PCDH9: variants seen among roughly 807,000 people sequenced by gnomAD.
PCDH9 encodes protocadherin-9.
A neutral mutation model predicts 70.6 loss-of-function variants in PCDH9; 24 were observed. The observed-to-expected ratio is 0.34, with a 90% CI of 0.25 to 0.48. PCDH9 has a LOEUF of 0.48. Ranked by LOEUF, PCDH9 falls within the 20% of genes least tolerant of loss-of-function variation. The probability of loss-of-function intolerance (pLI) is 0.99; values close to 1 mark genes in which losing one functional copy is unlikely to be tolerated. For missense variants in PCDH9, 1,281 were observed against 1,503.6 expected (o/e 0.85, Z 2.45); for synonymous variants, 562 against 558.5 (o/e 1.01, Z -0.09).
chr13:66,974,907 C>T (rs369137353), intron 2 of PCDH9, among the ~76,000 whole-genome samples: 12 of 152,034 alleles, frequency 7.9e-5, no homozygotes, highest in African/African-American at 2.7e-4. Flanking sequence ...TATGACATAA[C>T]CTGGTTTAAA....
intron 3 of PCDH9, among the ~76,000 whole-genome samples, chr13:66,746,792 A>T (rs1393589059): frequency 3.3e-5 from 5 of 152,124 alleles, no homozygotes; most frequent in East Asian, 1.9e-4. Flanking sequence ...ACAAGATTAA[A>T]TTTTTTTTCA....
At position 67,149,950 on chromosome 13, in the gene PCDH9, CA is replaced by C. The variant is rs555290926; in HGVS notation, c.3036+75454del. Among the ~76,000 whole-genome samples the C allele has an allele frequency of 1.5e-3, 226 of 152,054 alleles. 2 individuals are homozygous for C. The highest frequency in any genetic ancestry group is 2.9e-3 in the Non-Finnish European group (194 of 67,970). ...TGGTATTGATACTCACTTTTGAAGC[CA>C]AAATTTCAAAAATAAAAGTCTTTTC... On this transcript the variant is annotated intron_variant, in intron 2 of 4. Transcript: ENST00000377865.
chr13:66,715,692 A>G (rs1291985413), intron 3 of PCDH9, among the ~76,000 whole-genome samples: 1 of 152,230 alleles, frequency 6.6e-6, no homozygotes, highest in East Asian at 1.9e-4. Flanking sequence ...TAAAATGTCT[A>G]TTCTTTATCT....
At chr13:67,087,166 A>C (rs928695712) in intron 2 of PCDH9, among the ~76,000 whole-genome samples, 1 of 151,412 alleles carries the variant, frequency 6.6e-6, no homozygotes, top group Non-Finnish European at 1.5e-5. Flanking sequence ...ATCTCTTTGC[A>C]TGGTTTCAGC....
At chr13:66,343,233 G>A (rs1956160430) in intron 4 of PCDH9, among the ~76,000 whole-genome samples, 2 of 152,130 alleles carry the variant, frequency 1.3e-5, no homozygotes. Flanking sequence ...CTCCCAAATT[G>A]AGTGGCTTAA....
In PCDH9 at chr13:66,453,540, T is replaced by C. The variant is rs538754008; in HGVS notation, c.3341-148512A>G. On this transcript the variant is annotated intron_variant, in intron 4 of 4. Transcript: ENST00000377865. ...GTTCTTTGTTCCTCCAAGTGCCTAT[T>C]GTAATGAATAACCTTTAACTGTGCT... is the stretch of plus-strand genomic sequence containing the variant. Among the ~76,000 whole-genome samples the C allele has an allele frequency of 1.4e-4, 22 of 152,316 alleles. No individual in the cohort carries two copies. In the South Asian group the frequency reaches 4.6e-3, roughly 32 times the overall value.
At chr13:66,653,395 C>G (rs2077879822) in intron 3 of PCDH9, among the ~76,000 whole-genome samples, 1 of 152,026 alleles carries the variant, frequency 6.6e-6, no homozygotes, top group African/African-American at 2.4e-5. Flanking sequence ...ATATGGCAAA[C>G]AGGTAAATGA....
intron 2 of PCDH9, among the ~76,000 whole-genome samples, chr13:67,177,952 C>G (rs1474284325): frequency 6.6e-6 from 1 of 152,082 alleles, no homozygotes; most frequent in South Asian, 2.1e-4. Context: ...TAAGATCAAT[C>G]TTCTGTGTAT....
At chr13:66,549,725 T>A (rs1961394288) in intron 4 of PCDH9, among the ~76,000 whole-genome samples, 1 of 152,164 alleles carries the variant, frequency 6.6e-6, no homozygotes, top group East Asian at 1.9e-4. Context: ...ATGGTAGTAA[T>A]CAAAATAATT....
At chr13:66,666,860 A>G (rs1393318541) in intron 3 of PCDH9, among the ~76,000 whole-genome samples, 1 of 152,188 alleles carries the variant, frequency 6.6e-6, no homozygotes, top group Non-Finnish European at 1.5e-5. Context: ...ATATATTAAC[A>G]GTTATATTTG....
In PCDH9 at chr13:66,333,672, G is replaced by A. The variant is rs767412827; in HGVS notation, c.3341-28644C>T. ...ACTTCTTTCAGAAAAAAGTTTTGAA[G>A]GGTTATTTTTGTTGATTAGAATAAG... On this transcript the variant is annotated intron_variant, in intron 4 of 4. Coordinates refer to ENST00000377865, the MANE Select transcript of PCDH9 (RefSeq NM_203487.3). Among the ~76,000 whole-genome samples the A allele has an allele frequency of 2.0e-5, 3 of 152,200 alleles. No individual in the cohort carries two copies. In the East Asian group the frequency reaches 5.8e-4, roughly 29 times the overall value.
In PCDH9 at chr13:66,739,926, G is replaced by T. The variant is rs1448995428; in HGVS notation, c.3139-108515C>A. Among the ~76,000 whole-genome samples, 9 of 148,882 alleles carry T rather than the reference G, an allele frequency of 6.0e-5. No homozygotes were observed. In the South Asian group the frequency reaches 2.0e-3, roughly 33 times the overall value. ...AACACCCCACTGTCAACATTAGACAGATCAACGAGACAGAAAGTCAACAAG... is the reference window on the plus strand; with the variant it reads ...AACACCCCACTGTCAACATTAGACATATCAACGAGACAGAAAGTCAACAAG... On this transcript the variant is annotated intron_variant, in intron 3 of 4. Transcript: ENST00000377865.
At chr13:66,864,416 C>T (rs1175916106) in intron 3 of PCDH9, among the ~76,000 whole-genome samples, 1 of 152,124 alleles carries the variant, frequency 6.6e-6, no homozygotes, top group Non-Finnish European at 1.5e-5. Context: ...TGTTTTGACA[C>T]AAGACCAACT....
At chr13:66,840,502 A>G (rs954105384) in intron 3 of PCDH9, among the ~76,000 whole-genome samples, 1 of 152,218 alleles carries the variant, frequency 6.6e-6, no homozygotes, top group Non-Finnish European at 1.5e-5. Flanking sequence ...TATTTAACGT[A>G]TCTATCTTAT....
chr13:66,827,945 A>C (rs750925631), intron 3 of PCDH9, among the ~76,000 whole-genome samples: 1 of 152,212 alleles, frequency 6.6e-6, no homozygotes, highest in African/African-American at 2.4e-5. Context: ...TGCATTAATT[A>C]AACAAAAAAG....
At chr13:66,718,084 CAT>C (rs2078894859) in intron 3 of PCDH9, among the ~76,000 whole-genome samples, 1 of 152,160 alleles carries the variant, frequency 6.6e-6, no homozygotes, top group South Asian at 2.1e-4. Flanking sequence ...AAGAATAGAA[CAT>C]GTGTCTCTCA....
chr13:66,839,410 A>T (rs2081078011), intron 3 of PCDH9, among the ~76,000 whole-genome samples: 1 of 152,194 alleles, frequency 6.6e-6, no homozygotes, highest in Admixed American at 6.5e-5. Context: ...ATTTCTAGTC[A>T]GTCAGGCTAC....
chr13:66,564,533 G>A (rs946644093), intron 4 of PCDH9, among the ~76,000 whole-genome samples: 3 of 152,156 alleles, frequency 2.0e-5, no homozygotes, highest in African/African-American at 7.2e-5. Flanking sequence ...GAGGACAGCT[G>A]ATAACAGAGA....
intron 4 of PCDH9, among the ~76,000 whole-genome samples, chr13:66,434,093 A>G (rs778744078): frequency 1.3e-5 from 2 of 151,950 alleles, no homozygotes; most frequent in Non-Finnish European, 2.9e-5. Context: ...AAATAGAAAT[A>G]TATACAATGT....
Sources: gnomAD v4.1 joint callset for allele counts (sites outside exome capture counted in the v4.1 genomes callset) on GRCh38, gnomAD v4.1.1 for gene constraint, MANE v1.5 for transcripts, NCBI Gene and HGNC (gene_info 2026-07-23, HGNC 2026-07-21) for gene names.